TDRD9: variants seen among roughly 807,000 people sequenced by gnomAD.
TDRD9 encodes the protein tudor domain containing 9.
A neutral mutation model predicts 172.6 loss-of-function variants in TDRD9; 124 were observed. That is an observed-to-expected ratio of 0.72 (90% CI 0.62 to 0.83). The LOEUF is 0.83. Ranked by LOEUF, TDRD9 falls within the 40% of genes least tolerant of loss-of-function variation. The pLI, the probability that TDRD9 is intolerant of heterozygous loss-of-function variation, is 0.00. For synonymous variants in TDRD9, 619 were observed against 617.1 expected (o/e 1.00, Z -0.05); for missense variants, 1,479 against 1,714.1 (o/e 0.86, Z 2.42).
chr14:103,952,166 GTATATA>G (rs1390902907), intron 1 of TDRD9, among the ~76,000 whole-genome samples: 5 of 118,540 alleles, frequency 4.2e-5, no homozygotes, highest in Non-Finnish European at 5.1e-5. Flanking sequence ...GTATATATGT[GTATATA>G]TGTGTGTGCG....
intron 2 of TDRD9, among the ~76,000 whole-genome samples, chr14:103,961,805 G>C (rs540527798): frequency 5.7e-4 from 86 of 152,210 alleles, no homozygotes; most frequent in South Asian, 1.5e-3. Flanking sequence ...AGACCAGTTA[G>C]GAAAATGGGA....
At chr14:103,940,974 C>T (rs1377612847) in intron 1 of TDRD9, 2 of 1,535,324 alleles carry the variant, frequency 1.3e-6, no homozygotes, top group Non-Finnish European at 1.7e-6. Flanking sequence ...AGTCCATGCT[C>T]CCTGAGTCCT....
chr14:104,044,913 T>C (rs1263856347), intron 34 of TDRD9, among the ~76,000 whole-genome samples: 1 of 152,098 alleles, frequency 6.6e-6, no homozygotes, highest in Non-Finnish European at 1.5e-5. Flanking sequence ...GAGGCTGAGG[T>C]GGGCAGATCA....
chr14:104,033,341 G>T (rs1303382646), intron 30 of TDRD9, among the ~76,000 whole-genome samples: 1 of 152,202 alleles, frequency 6.6e-6, no homozygotes, highest in Non-Finnish European at 1.5e-5. Flanking sequence ...TTTCAGAGTA[G>T]AAAGATCCTC....
Position 103,972,687 on chromosome 14 carries a change from A to C in TDRD9, c.846+2066A>C, listed in dbSNP as rs576900250. 5.9e-5 allele frequency among the ~76,000 whole-genome samples: 9 copies of C among 152,352 alleles called. No homozygotes were observed. In the South Asian group the frequency reaches 1.4e-3, roughly 25 times the overall value. ...TGCTTTGGAAAGCAGTTGCTTTCTA[A>C]ACCATAAAGCATTTTGTCTTCAAGT... On this transcript the variant is annotated intron_variant, in intron 6 of 35. Transcript: ENST00000409874.
At chr14:104,019,659 G>A (rs549614835) in intron 23 of TDRD9, among the ~76,000 whole-genome samples, 1 of 152,276 alleles carries the variant, frequency 6.6e-6, no homozygotes, top group African/African-American at 2.4e-5. Context: ...ATTTCTTTTG[G>A]CATAGAGCAG....
At position 104,040,212 on chromosome 14, in the gene TDRD9, A is replaced by G. The variant is rs1393079849; in HGVS notation, c.3733A>G (p.Lys1245Glu). 1 of 1,541,108 alleles carries G rather than the reference A, an allele frequency of 6.5e-7. No individual in the cohort carries two copies. ...VIELRIDQNG[K>E]YYTGVLCGLG... is the part of the protein sequence containing the mutation. ...TCCATTTAGGATTGATCAGAATGGCAAGTACTATACTGGAGTCCTTTGTGG... is the reference window on the plus strand; with the variant it reads ...TCCATTTAGGATTGATCAGAATGGCGAGTACTATACTGGAGTCCTTTGTGG... The change falls in exon 33 of 36, where the codon AAG (lysine) becomes GAG (glutamate). Residue 1245 changes from lysine (K) to glutamate (E), a missense_variant. This residue lies in a region of TDRD9 where 1,413 missense variants were observed against 1,649.1 expected (regional missense o/e 0.86). Transcript: ENST00000409874.
At chr14:103,935,819 CT>C (rs2030726084) in intron 1 of TDRD9, among the ~76,000 whole-genome samples, 1 of 152,164 alleles carries the variant, frequency 6.6e-6, no homozygotes, top group African/African-American at 2.4e-5. Flanking sequence ...TATCTTAACA[CT>C]TTCATGGGAA....
At chr14:103,949,308 A>G (rs1168509725) in intron 1 of TDRD9, among the ~76,000 whole-genome samples, 2 of 152,228 alleles carry the variant, frequency 1.3e-5, no homozygotes, top group African/African-American at 4.8e-5. Flanking sequence ...ACAGGGATGT[A>G]TCTGCTATGA....
intron 2 of TDRD9, among the ~76,000 whole-genome samples, chr14:103,959,498 A>G (rs1423953112): frequency 3.5e-5 from 2 of 57,964 alleles, no homozygotes; most frequent in Non-Finnish European, 3.9e-5. Context: ...ACATACACAC[A>G]CACACACACA....
At chr14:104,027,449 T>G (rs1355701988) in intron 28 of TDRD9, among the ~76,000 whole-genome samples, 1 of 152,212 alleles carries the variant, frequency 6.6e-6, no homozygotes, top group Non-Finnish European at 1.5e-5. Context: ...TGGAAGTAGT[T>G]AATAAAATAT....
intron 8 of TDRD9, among the ~76,000 whole-genome samples, chr14:103,988,178 TA>T (rs143018390): frequency 0.027 from 3,582 of 131,074 alleles, 81 homozygotes; most frequent in East Asian, 0.083. Flanking sequence ...CTGAGTGGGA[TA>T]TTTTTTTTTT....
At chr14:103,962,034 C>T (rs575958260) in intron 2 of TDRD9, among the ~76,000 whole-genome samples, 2 of 152,182 alleles carry the variant, frequency 1.3e-5, no homozygotes, top group African/African-American at 4.8e-5. Flanking sequence ...GTTTGTCTTC[C>T]GTGAGTTTTG....
intron 1 of TDRD9, among the ~76,000 whole-genome samples, chr14:103,946,697 A>T (rs891940802): frequency 6.6e-6 from 1 of 152,254 alleles, no homozygotes; most frequent in Admixed American, 6.5e-5. Flanking sequence ...TGAATTCAGC[A>T]AAGTAGCAGT....
chr14:103,941,471 T>G (rs577604191), intron 1 of TDRD9: 2 of 1,535,394 alleles, frequency 1.3e-6, no homozygotes, highest in African/African-American at 2.7e-5. Flanking sequence ...GTTCAGTCAC[T>G]GGGATAGTTG....
chr14:104,042,058 T>C lies in TDRD9; in HGVS notation c.3856-11T>C. ...AGCCTTATGAGTGTTTATGTTGCTG[T>C]TCATTTACAGGTTAATATTCTCAGG... is the stretch of plus-strand genomic sequence containing the variant. On this transcript the variant is annotated splice_polypyrimidine_tract_variant and intron_variant, in intron 33 of 35. Coordinates refer to ENST00000409874, the MANE Select transcript of TDRD9 (RefSeq NM_153046.3). The C allele has an allele frequency of 6.5e-7, 1 of 1,534,798 alleles. No individual in the cohort carries two copies. The highest frequency in any genetic ancestry group is 9.0e-7 in the Non-Finnish European group (1 of 1,108,050).
chr14:104,032,171 A>G (rs1323525044), intron 30 of TDRD9, 84 bp downstream of exon 30: 2 of 821,412 alleles, frequency 2.4e-6, no homozygotes, highest in African/African-American at 3.6e-5. Context: ...GTATCTTTAT[A>G]TCTAAACTGT....
intron 9 of TDRD9, among the ~76,000 whole-genome samples, chr14:103,992,088 C>T (rs1951585): frequency 0.97 from 148,005 of 152,314 alleles, 72,061 homozygotes; most frequent in East Asian, 1. Flanking sequence ...GTTATTATAA[C>T]ACCGTGAGAA....
chr14:103,966,680 T>C (rs2032763768), intron 4 of TDRD9, 29 bp from the exon 5 acceptor site: 1 of 1,499,194 alleles, frequency 6.7e-7, no homozygotes, highest in Non-Finnish European at 8.9e-7. Flanking sequence ...TTCTCTTTTT[T>C]CCTTTCCTTT....
Sources: allele counts gnomAD v4.1 joint callset (sites outside exome capture counted in the v4.1 genomes callset), GRCh38; gene constraint gnomAD v4.1.1; regional missense constraint gnomAD v4.1.1; transcripts MANE v1.5; gene names NCBI Gene and HGNC (gene_info 2026-07-23, HGNC 2026-07-21).